The following IL1RAPL1 variants were observed in gnomAD, a reference collection of about 807,000 sequenced individuals.
The protein encoded by IL1RAPL1 is interleukin 1 receptor accessory protein like 1, also known as interleukin-1 receptor accessory protein-like 1.
A neutral mutation model predicts 48.4 loss-of-function variants in IL1RAPL1; 3 were observed. That is an observed-to-expected ratio of 0.06 (90% CI 0.03 to 0.16). The LOEUF (loss-of-function observed/expected upper bound fraction) is 0.16, where lower values mean the gene tolerates loss of function less well. Ranked by LOEUF, IL1RAPL1 falls within the 10% of genes least tolerant of loss-of-function variation. IL1RAPL1 has a pLI of 1.00. For synonymous variants in IL1RAPL1, 185 were observed against 187.7 expected, an observed-to-expected ratio of 0.99 and a Z score of 0.12; for missense variants, 349 against 530.6, an observed-to-expected ratio of 0.66 and a Z score of 3.36.
chrX:29,844,351 T>C (rs1931200639), intron 6 of IL1RAPL1, among the ~76,000 whole-genome samples: 1 of 111,651 alleles, frequency 9.0e-6, no homozygotes. Context: ...TGTGTTAGTA[T>C]ATGTATGATG....
intron 6 of IL1RAPL1, among the ~76,000 whole-genome samples, chrX:29,692,607 G>A (rs1926803471): frequency 8.9e-6 from 1 of 112,173 alleles, no homozygotes; most frequent in Non-Finnish European, 1.9e-5. Context: ...GTCACATGGA[G>A]TCAAGAGCAT....
At chrX:29,894,161 G>T (rs186919248) in intron 6 of IL1RAPL1, among the ~76,000 whole-genome samples, 30 of 112,265 alleles carry the variant, frequency 2.7e-4, no homozygotes, top group African/African-American at 9.4e-4. Flanking sequence ...CATTTTGAAA[G>T]AACAGTGGCT....
intron 6 of IL1RAPL1, among the ~76,000 whole-genome samples, chrX:29,823,398 A>G (rs1232224741): frequency 8.9e-6 from 1 of 112,263 alleles, no homozygotes; most frequent in East Asian, 2.8e-4. Flanking sequence ...GTGTTACTCT[A>G]AAATAACATT....
chrX:28,670,039 G>A (rs1010739485), intron 1 of IL1RAPL1, among the ~76,000 whole-genome samples: 1 of 110,523 alleles, frequency 9.0e-6, no homozygotes, highest in Non-Finnish European at 1.9e-5. Context: ...ATATAAACAT[G>A]CACAACTCCC....
chrX:28,591,675 T>C (rs920516369), intron 1 of IL1RAPL1, among the ~76,000 whole-genome samples: 1 of 110,784 alleles, frequency 9.0e-6, no homozygotes, highest in Non-Finnish European at 1.9e-5. Flanking sequence ...CTATTTCCAT[T>C]AGGTTTATCG....
chrX:29,899,293 C>T (rs1161271468), intron 6 of IL1RAPL1, among the ~76,000 whole-genome samples: 2 of 111,042 alleles, frequency 1.8e-5, no homozygotes, highest in African/African-American at 3.3e-5. Context: ...CGTTTAGAGA[C>T]AATTCAAATA....
chrX:29,825,902 G>A (rs1268697795), intron 6 of IL1RAPL1, among the ~76,000 whole-genome samples: 1 of 111,035 alleles, frequency 9.0e-6, no homozygotes, highest in African/African-American at 3.3e-5. Flanking sequence ...ACTGCTGAAT[G>A]TAGTTCGCCG....
chrX:29,485,573 T>A (rs944654275), intron 5 of IL1RAPL1, among the ~76,000 whole-genome samples: 10 of 111,378 alleles, frequency 9.0e-5, no homozygotes, highest in African/African-American at 3.3e-4. Flanking sequence ...ATTGTGAAAA[T>A]CTTTATCACA....
At chrX:29,256,375 T>G (rs1344957704) in intron 2 of IL1RAPL1, among the ~76,000 whole-genome samples, 2 of 111,636 alleles carry the variant, frequency 1.8e-5, no homozygotes, top group East Asian at 5.6e-4. Flanking sequence ...ATGATGCAAA[T>G]TAATCATATA....
intron 5 of IL1RAPL1, among the ~76,000 whole-genome samples, chrX:29,482,330 C>T (rs996413136): frequency 1.8e-5 from 2 of 111,741 alleles, no homozygotes; most frequent in Non-Finnish European, 3.8e-5. Flanking sequence ...CCCTTACCAG[C>T]TGTGTGACCT....
Position 28,810,061 on chromosome X carries a change from A to T in IL1RAPL1, c.82+20636A>T, listed in dbSNP as rs1349834313. ...GGGACTATTTCCTGAGATGGGGAAA[A>T]TTAGAGGAGGGAGAGGTTCCTGTTT... On this transcript the variant is annotated intron_variant, in intron 2 of 10. Coordinates refer to ENST00000378993, the MANE Select transcript of IL1RAPL1 (RefSeq NM_014271.4). 4.6e-5 allele frequency among the ~76,000 whole-genome samples: 5 copies of T among 109,729 alleles called. No individual in the cohort carries two copies. The Admixed American group carries it at 4.9e-4, about 11-fold the overall frequency.
intron 2 of IL1RAPL1, among the ~76,000 whole-genome samples, chrX:29,177,589 TTTAAA>T (rs910376593): frequency 2.7e-5 from 3 of 112,255 alleles, no homozygotes; most frequent in African/African-American, 9.7e-5. Flanking sequence ...TACTGTATTG[TTTAAA>T]TTAATTTTCT....
chrX:28,759,600 G>A lies in IL1RAPL1; in HGVS notation c.-24-29720G>A, dbSNP rs948323430. Among the ~76,000 whole-genome samples, 4 of 111,878 alleles carry A rather than the reference G, an allele frequency of 3.6e-5. No homozygotes were observed. In the East Asian group the frequency reaches 1.1e-3, roughly 31 times the overall value. On this transcript the variant is annotated intron_variant, in intron 1 of 10. Coordinates refer to ENST00000378993, the MANE Select transcript of IL1RAPL1 (RefSeq NM_014271.4). ...ATAAAGGGAAGGAAGCATACATTTGGCCTGCCTTTTTTCGTACCAACTGTA... is the reference window on the plus strand; with the variant it reads ...ATAAAGGGAAGGAAGCATACATTTGACCTGCCTTTTTTCGTACCAACTGTA...
intron 3 of IL1RAPL1, among the ~76,000 whole-genome samples, chrX:29,287,503 A>G (rs1291428638): frequency 7.1e-5 from 8 of 112,437 alleles, no homozygotes; most frequent in East Asian, 2.8e-4. Context: ...GAACCAAACT[A>G]TTTTTCAAAG....
At position 28,760,596 on chromosome X, in the gene IL1RAPL1, T is replaced by G. The variant is rs186628525; in HGVS notation, c.-24-28724T>G. 6.7e-4 allele frequency among the ~76,000 whole-genome samples: 75 copies of G among 111,906 alleles called. No homozygotes were observed. The Middle Eastern group carries it at 0.014, about 21-fold the overall frequency. On this transcript the variant is annotated intron_variant, in intron 1 of 10. Coordinates refer to ENST00000378993, the MANE Select transcript of IL1RAPL1 (RefSeq NM_014271.4). ...CAGCTTAGCTGTATAAGAATAATGC[T>G]TATAAATAAAATACCATAACGTGTA... is the stretch of plus-strand genomic sequence containing the variant.
In IL1RAPL1 at chrX:29,086,195, A is replaced by G. The variant is rs1319094889; in HGVS notation, c.83-196743A>G. Among the ~76,000 whole-genome samples the G allele has an allele frequency of 3.6e-5, 4 of 112,369 alleles. No homozygotes were observed. The East Asian group carries it at 8.3e-4, about 23-fold the overall frequency. On this transcript the variant is annotated intron_variant, in intron 2 of 10. Transcript: ENST00000378993. ...TGTGAAAATCAAAGTCTAGCAACCT[A>G]TTTTCAGTTTGTTGCTTTAGCTTTT... is the stretch of plus-strand genomic sequence containing the variant.
intron 3 of IL1RAPL1, among the ~76,000 whole-genome samples, chrX:29,367,339 G>A (rs1933476260): frequency 9.0e-6 from 1 of 111,459 alleles, no homozygotes; most frequent in Non-Finnish European, 1.9e-5. Context: ...AGGTGCATTT[G>A]TATATTATGA....
At chrX:28,742,762 A>G (rs1935926002) in intron 1 of IL1RAPL1, among the ~76,000 whole-genome samples, 1 of 112,041 alleles carries the variant, frequency 8.9e-6, no homozygotes, top group South Asian at 3.7e-4. Flanking sequence ...TATAGATGCC[A>G]AATCACTGGA....
chrX:29,406,367 C>A (rs772696929), intron 5 of IL1RAPL1, among the ~76,000 whole-genome samples: 3 of 103,992 alleles, frequency 2.9e-5, no homozygotes, highest in African/African-American at 1.0e-4. Flanking sequence ...CCAGACTGGG[C>A]GACAGAGCGA....
Sources: gnomAD v4.1 joint callset for allele counts (sites outside exome capture counted in the v4.1 genomes callset) on GRCh38, gnomAD v4.1.1 for gene constraint, MANE v1.5 for transcripts, NCBI Gene and HGNC (gene_info 2026-07-23, HGNC 2026-07-21) for gene names.